Variants in FMN2 observed in about 807,000 individuals in gnomAD.
FMN2 encodes formin-2.
A neutral mutation model predicts 142.3 loss-of-function variants in FMN2; 51 were observed. The observed-to-expected ratio is 0.36, with a 90% CI of 0.29 to 0.45. The LOEUF is 0.45. FMN2 is among the 20% of genes least tolerant of loss of function. The pLI is 1.00. For synonymous variants in FMN2, 882 were observed against 869.8 expected, an observed-to-expected ratio of 1.01 and a Z score of -0.25; for missense variants, 1,936 against 2,122.8, an observed-to-expected ratio of 0.91 and a Z score of 1.73.
chr1:240,200,753 A>G (rs60667778), intron 4 of FMN2, among the ~76,000 whole-genome samples: 4,514 of 152,150 alleles, frequency 0.03, 241 homozygotes, highest in African/African-American at 0.1. Flanking sequence ...TGTTCTCTCT[A>G]CAGTGGGAAT....
At chr1:240,184,620 A>T (rs1665316869) in intron 3 of FMN2, among the ~76,000 whole-genome samples, 1 of 150,786 alleles carries the variant, frequency 6.6e-6, no homozygotes, top group African/African-American at 2.4e-5. Context: ...CTCTCTCACC[A>T]GGTTAGTCTT....
chr1:240,241,745 C>T (rs75828784), intron 6 of FMN2, among the ~76,000 whole-genome samples: 1 of 151,318 alleles, frequency 6.6e-6, no homozygotes, highest in Non-Finnish European at 1.5e-5. Flanking sequence ...AAGAATCTAA[C>T]CATTGATTGG....
intron 2 of FMN2, among the ~76,000 whole-genome samples, chr1:240,159,937 G>GTATATA (rs35292759): frequency 2.4e-4 from 17 of 71,294 alleles, no homozygotes; most frequent in South Asian, 1.4e-3. Context: ...ATATATTTGT[G>GTATATA]TATATATATA....
intron 7 of FMN2, among the ~76,000 whole-genome samples, chr1:240,294,295 C>T (rs933224244): frequency 6.6e-6 from 1 of 152,140 alleles, no homozygotes; most frequent in African/African-American, 2.4e-5. Flanking sequence ...AAGGTAGGAT[C>T]TGTGCTAATA....
At chr1:240,468,222 GTGT>G (rs1676686991) in intron 16 of FMN2, among the ~76,000 whole-genome samples, 1 of 124,068 alleles carries the variant, frequency 8.1e-6, no homozygotes, top group Non-Finnish European at 1.7e-5. Context: ...GTGTGTGTGT[GTGT>G]GTGTGTGTAT....
At chr1:240,431,444 A>G (rs999271554) in intron 15 of FMN2, among the ~76,000 whole-genome samples, 2 of 148,998 alleles carry the variant, frequency 1.3e-5, no homozygotes, top group African/African-American at 2.4e-5. Context: ...ACACACATAT[A>G]TATGTTTTAT....
At chr1:240,321,226 A>G (rs779003251) in intron 8 of FMN2, among the ~76,000 whole-genome samples, 4 of 151,884 alleles carry the variant, frequency 2.6e-5, no homozygotes, top group Non-Finnish European at 4.4e-5. Context: ...ATACCTTGAT[A>G]TTTGCTAGAC....
intron 16 of FMN2, among the ~76,000 whole-genome samples, chr1:240,439,234 C>T (rs1411784523): frequency 7.2e-6 from 1 of 139,788 alleles, no homozygotes; most frequent in Non-Finnish European, 1.5e-5. Flanking sequence ...GATCATGCCA[C>T]TGAACTTCAG....
intron 14 of FMN2, among the ~76,000 whole-genome samples, chr1:240,385,350 A>G (rs1038116345): frequency 6.6e-6 from 1 of 152,172 alleles, no homozygotes; most frequent in African/African-American, 2.4e-5. Flanking sequence ...TCAGCCTGGT[A>G]TTAGTAAGTA....
chr1:240,352,080 AT>A (rs199725846), intron 13 of FMN2, among the ~76,000 whole-genome samples: 4 of 151,766 alleles, frequency 2.6e-5, no homozygotes, highest in African/African-American at 9.7e-5. Context: ...GAGAGATTAG[AT>A]TTTTTTTTCC....
chr1:240,305,806 C>CTTT (rs1205383658), intron 8 of FMN2, among the ~76,000 whole-genome samples: 3 of 37,514 alleles, frequency 8.0e-5, no homozygotes, highest in African/African-American at 3.8e-4. Flanking sequence ...TCCACTTATA[C>CTTT]TTCTTGTCAT....
At chr1:240,429,847 C>T (rs1005176983) in intron 15 of FMN2, among the ~76,000 whole-genome samples, 1 of 151,648 alleles carries the variant, frequency 6.6e-6, no homozygotes, top group Admixed American at 6.6e-5. Flanking sequence ...TTATTATTAG[C>T]AGGGCTGCTG....
intron 15 of FMN2, among the ~76,000 whole-genome samples, chr1:240,403,467 C>G (rs1349850338): frequency 6.6e-6 from 1 of 152,120 alleles, no homozygotes; most frequent in African/African-American, 2.4e-5. Context: ...AACCTCATCT[C>G]TACTAAAAAT....
At chr1:240,147,915 G>A (rs1663556761) in intron 2 of FMN2, among the ~76,000 whole-genome samples, 1 of 152,208 alleles carries the variant, frequency 6.6e-6, no homozygotes, top group Non-Finnish European at 1.5e-5. Context: ...TTTTTGATAA[G>A]CCAGATTCGG....
chr1:240,228,303 C>CA (rs577421634), intron 6 of FMN2, among the ~76,000 whole-genome samples: 725 of 47,686 alleles, frequency 0.015, 51 homozygotes, highest in East Asian at 0.028. Flanking sequence ...AACTCTGTCT[C>CA]AAAAAAAAAA....
intron 7 of FMN2, among the ~76,000 whole-genome samples, chr1:240,265,922 T>G (rs1442012006): frequency 2.6e-5 from 4 of 151,324 alleles, no homozygotes; most frequent in Non-Finnish European, 5.9e-5. Flanking sequence ...GGTTTGTTTT[T>G]TTTTTTTTTT....
chr1:240,217,410 T>C (rs1666947013), intron 6 of FMN2, among the ~76,000 whole-genome samples: 1 of 152,200 alleles, frequency 6.6e-6, no homozygotes, highest in Admixed American at 6.5e-5. Context: ...TATATTTGTC[T>C]TTTGACCAAA....
rs1663285214 is a variant in FMN2, at chr1:240,143,480, T to C, written c.1782+20135T>C. 5.2e-6 allele frequency: 8 copies of C among 1,544,038 alleles called. No individual in the cohort carries two copies. In the Admixed American group the frequency reaches 8.4e-5, roughly 16 times the overall value. ...GGGGTTTCCTTTTTGTCCTTGTCCT[T>C]CTTTTCCTTCTTGCCTTTGTCTTCC... On this transcript the variant is annotated intron_variant, in intron 2 of 17. Coordinates refer to ENST00000319653, the MANE Select transcript of FMN2 (RefSeq NM_020066.5).
At chr1:240,301,809 T>C (rs1670209469) in intron 8 of FMN2, among the ~76,000 whole-genome samples, 1 of 151,988 alleles carries the variant, frequency 6.6e-6, no homozygotes, top group Non-Finnish European at 1.5e-5. Flanking sequence ...TTTTATTGGG[T>C]TTTAATCAGT....
Sources: allele counts gnomAD v4.1 joint callset (sites outside exome capture counted in the v4.1 genomes callset), GRCh38; gene constraint gnomAD v4.1.1; transcripts MANE v1.5; gene names NCBI Gene and HGNC (gene_info 2026-07-23, HGNC 2026-07-21).